The following KSR2 variants were observed in gnomAD, a reference collection of about 807,000 sequenced individuals.
The protein encoded by KSR2 is kinase suppressor of ras 2.
In KSR2, 25 loss-of-function variants were observed where a neutral mutation model predicts 107.8. The ratio of observed to expected loss-of-function variants is 0.23; its 90% CI spans 0.17 to 0.32. KSR2 has a LOEUF of 0.32. KSR2 is among the 10% of genes least tolerant of loss of function. The probability of loss-of-function intolerance (pLI) is 1.00; values close to 1 mark genes in which losing one functional copy is unlikely to be tolerated. For synonymous variants in KSR2, 480 were observed against 507.0 expected, an observed-to-expected ratio of 0.95 and a Z score of 0.71; for missense variants, 887 against 1,268.9, an observed-to-expected ratio of 0.70 and a Z score of 4.57.
chr12:117,762,545 G>A (rs1455883009), intron 3 of KSR2, among the ~76,000 whole-genome samples: 1 of 152,148 alleles, frequency 6.6e-6, no homozygotes, highest in East Asian at 1.9e-4. Context: ...GGTGCTGGGA[G>A]GGAAATAAAC....
intron 16 of KSR2, among the ~76,000 whole-genome samples, chr12:117,481,211 C>A (rs1219195806): frequency 1.3e-5 from 2 of 152,188 alleles, no homozygotes; most frequent in African/African-American, 4.8e-5. Flanking sequence ...GATCAGGGAA[C>A]CAGGTGTGTG....
At chr12:117,628,204 C>T (rs546461005) in intron 5 of KSR2, among the ~76,000 whole-genome samples, 7 of 152,280 alleles carry the variant, frequency 4.6e-5, no homozygotes, top group South Asian at 2.1e-4. Flanking sequence ...TCTGTTAACT[C>T]GTCAAAGTCA....
At chr12:117,921,746 T>A (rs1399505307) in intron 1 of KSR2, among the ~76,000 whole-genome samples, 1 of 152,198 alleles carries the variant, frequency 6.6e-6, no homozygotes, top group African/African-American at 2.4e-5. Context: ...TACACGCTCA[T>A]TAAATGACAG....
At chr12:117,825,474 A>T (rs1256263026) in intron 3 of KSR2, among the ~76,000 whole-genome samples, 1 of 152,176 alleles carries the variant, frequency 6.6e-6, no homozygotes, top group African/African-American at 2.4e-5. Context: ...TTCCTTCTTC[A>T]TGTAACCATT....
chr12:117,941,672 G>T (rs1445278147), intron 1 of KSR2, among the ~76,000 whole-genome samples: 1 of 122,380 alleles, frequency 8.2e-6, no homozygotes, highest in East Asian at 2.7e-4. Context: ...TGTCACCCAG[G>T]CTGGAGTGCA....
At chr12:117,640,313 C>T (rs142472918) in intron 5 of KSR2, among the ~76,000 whole-genome samples, 31 of 151,988 alleles carry the variant, frequency 2.0e-4, no homozygotes, top group East Asian at 1.2e-3. Context: ...TGCAGTGGCG[C>T]GATCTCAGCT....
At chr12:117,699,896 A>G (rs1157657997) in intron 4 of KSR2, among the ~76,000 whole-genome samples, 2 of 152,150 alleles carry the variant, frequency 1.3e-5, no homozygotes, top group African/African-American at 2.4e-5. Flanking sequence ...TCCTTGAGAC[A>G]GAGTCTCACT....
At chr12:117,850,765 C>T (rs1478443616) in intron 3 of KSR2, among the ~76,000 whole-genome samples, 8 of 150,866 alleles carry the variant, frequency 5.3e-5, no homozygotes, top group Non-Finnish European at 8.8e-5. Flanking sequence ...GCCAAGATTG[C>T]GCCACTACAC....
At chr12:117,965,251 T>C (rs1268706608) in intron 1 of KSR2, among the ~76,000 whole-genome samples, 2 of 152,210 alleles carry the variant, frequency 1.3e-5, no homozygotes, top group South Asian at 2.1e-4. Context: ...AGAAAAGCCA[T>C]GAGAATTCCC....
chr12:117,467,870 G>A, intron 19 of KSR2: 1 of 442,550 alleles, frequency 2.3e-6, no homozygotes, highest in Non-Finnish European at 4.5e-6. Context: ...GGAATGAATG[G>A]AAAATTCCAC....
At chr12:117,771,023 A>G (rs1889433763) in intron 3 of KSR2, among the ~76,000 whole-genome samples, 1 of 152,054 alleles carries the variant, frequency 6.6e-6, no homozygotes, top group African/African-American at 2.4e-5. Context: ...TAATGCTATA[A>G]AGCACTTTAT....
intron 5 of KSR2, among the ~76,000 whole-genome samples, chr12:117,622,561 A>T (rs1304497077): frequency 2.0e-5 from 3 of 152,194 alleles, no homozygotes; most frequent in South Asian, 4.2e-4. Flanking sequence ...GTGCATGTTA[A>T]CACCTTCCAC....
intron 3 of KSR2, among the ~76,000 whole-genome samples, chr12:117,819,783 A>G (rs1310062911): frequency 1.3e-5 from 2 of 152,208 alleles, no homozygotes; most frequent in African/African-American, 4.8e-5. Context: ...CCCCCTGTTC[A>G]CAGGAAGGAA....
At chr12:117,860,866 G>A (rs555910262) in intron 1 of KSR2, among the ~76,000 whole-genome samples, 11 of 152,090 alleles carry the variant, frequency 7.2e-5, no homozygotes, top group East Asian at 3.9e-4. Context: ...TTACAGGCGC[G>A]CGCCACCATG....
chr12:117,904,091 T>G (rs926371368), intron 1 of KSR2, among the ~76,000 whole-genome samples: 56 of 151,936 alleles, frequency 3.7e-4, no homozygotes, highest in African/African-American at 1.3e-3. Flanking sequence ...AAATCAAAAG[T>G]TTAAAAAATG....
At chr12:117,488,850 T>C (rs1343970802) in intron 14 of KSR2, among the ~76,000 whole-genome samples, 2 of 152,078 alleles carry the variant, frequency 1.3e-5, no homozygotes, top group East Asian at 3.9e-4. Flanking sequence ...GCTCAATTTC[T>C]GTTGTTTCTA....
At chr12:117,796,553 G>C (rs1313631677) in intron 3 of KSR2, among the ~76,000 whole-genome samples, 1 of 152,212 alleles carries the variant, frequency 6.6e-6, no homozygotes. Context: ...GTTGGGCGAA[G>C]ACTGCGGACT....
At chr12:117,966,480 C>T (rs529406265) in intron 1 of KSR2, among the ~76,000 whole-genome samples, 1 of 152,206 alleles carries the variant, frequency 6.6e-6, no homozygotes, top group East Asian at 1.9e-4. Flanking sequence ...TGCCTCCCAA[C>T]ACAATTCCCA....
intron 4 of KSR2, among the ~76,000 whole-genome samples, chr12:117,694,246 GC>G (rs1265104612): frequency 6.6e-6 from 1 of 152,158 alleles, no homozygotes; most frequent in Non-Finnish European, 1.5e-5. Flanking sequence ...CAAGGGCAGG[GC>G]CAGGTGGAGA....
Sources: gnomAD v4.1 joint callset for allele counts (sites outside exome capture counted in the v4.1 genomes callset) on GRCh38, gnomAD v4.1.1 for gene constraint, MANE v1.5 for transcripts, NCBI Gene and HGNC (gene_info 2026-07-23, HGNC 2026-07-21) for gene names.